Variants in CNN2 observed in about 807,000 individuals in gnomAD.
The protein encoded by CNN2 is calponin 2, also known as calponin-2.
A neutral mutation model predicts 31.0 loss-of-function variants in CNN2; 21 were observed. The ratio of observed to expected loss-of-function variants is 0.68; its 90% CI spans 0.48 to 0.98. The LOEUF (loss-of-function observed/expected upper bound fraction) is 0.98, where lower values mean the gene tolerates loss of function less well. CNN2 is among the 50% of genes least tolerant of loss of function. CNN2 has a pLI of 0.00. For synonymous variants in CNN2, 165 were observed against 179.6 expected, an observed-to-expected ratio of 0.92 and a Z score of 0.65; for missense variants, 399 against 427.3, an observed-to-expected ratio of 0.93 and a Z score of 0.58.
chr19:1,031,250 C>T, intron 2 of CNN2, 58 bp downstream of exon 2: 1 of 1,362,294 alleles, frequency 7.3e-7, no homozygotes, highest in South Asian at 1.4e-5. Context: ...GTTTTTCTCA[C>T]TTTTTTTCTT....
intron 1 of CNN2, 54 bp downstream of exon 1, chr19:1,026,778 A>G: frequency 2.6e-6 from 4 of 1,521,444 alleles, no homozygotes; most frequent in Non-Finnish European, 1.8e-6. Context: ...GCACGCTCCG[A>G]CCGGTGCAGG....
chr19:1,032,252 G>GT, intron 2 of CNN2, 140 bp from the exon 3 acceptor site: 1 of 645,770 alleles, frequency 1.5e-6, no homozygotes, highest in Non-Finnish European at 2.4e-6. Context: ...AAAAAAAAAA[G>GT]AGTGGAAACT....
chr19:1,030,294 C>T (rs577351989), intron 1 of CNN2, among the ~76,000 whole-genome samples: 3 of 152,242 alleles, frequency 2.0e-5, no homozygotes, highest in East Asian at 1.9e-4. Flanking sequence ...TGACTAGAGG[C>T]GGTCAGCCTC....
chr19:1,032,861 C>G, intron 4 of CNN2, 165 bp downstream of exon 4: 1 of 594,926 alleles, frequency 1.7e-6, no homozygotes, highest in East Asian at 2.9e-5. Flanking sequence ...TCACTGCAAC[C>G]TCCAACTCCC....
At chr19:1,028,294 G>T (rs929649706) in intron 1 of CNN2, among the ~76,000 whole-genome samples, 1 of 152,096 alleles carries the variant, frequency 6.6e-6, no homozygotes, top group African/African-American at 2.4e-5. Context: ...CTGCCCTGGC[G>T]GGGGTGAGGA....
At position 1,036,231 on chromosome 19, in the gene CNN2, C is replaced by T. The variant is rs908794698; in HGVS notation, c.492C>T (p.Cys164=). The change falls in exon 5 of 7, where the codon TGC becomes TGT. Residue 164 remains cysteine, a synonymous_variant. Coordinates refer to ENST00000263097, the MANE Select transcript of CNN2 (RefSeq NM_004368.4). The part of the protein sequence containing the change: ...FDDATMKAGQ[C]VIGLQMGTNK... Reference sequence around the variant, plus strand: ...ATGCCACCATGAAGGCTGGCCAGTGCGTCATCGGGCTGCAGGTGGGCGACA... The same window carrying T: ...ATGCCACCATGAAGGCTGGCCAGTGTGTCATCGGGCTGCAGGTGGGCGACA... 9 of 1,594,080 alleles carry T rather than the reference C, an allele frequency of 5.6e-6. No homozygotes were observed. The highest frequency in any genetic ancestry group is 3.4e-5 in the Admixed American group (2 of 58,120).
In CNN2 at chr19:1,032,121, G is replaced by A. The variant is rs143654300; in HGVS notation, c.186-271G>A. Among the ~76,000 whole-genome samples the A allele has an allele frequency of 5.2e-4, 79 of 151,932 alleles. 2 individuals carry two copies. In the East Asian group the frequency reaches 0.011, roughly 21 times the overall value. The stretch of plus-strand genomic sequence containing the variant: ...CAGGCACCTGTAATCCCAGCTACTC[G>A]GGAGGCTCAGGGCTGAGGCAGGAGA... On this transcript the variant is annotated intron_variant, in intron 2 of 6. Coordinates refer to ENST00000263097, the MANE Select transcript of CNN2 (RefSeq NM_004368.4).
intron 4 of CNN2, among the ~76,000 whole-genome samples, chr19:1,035,806 T>C (rs111713536): frequency 7.5e-4 from 114 of 152,190 alleles, no homozygotes; most frequent in African/African-American, 2.0e-3. Flanking sequence ...CCTGTAATCC[T>C]AGCTACTTGG....
Position 1,031,189 on chromosome 19 carries a change from G to A in CNN2, c.182G>A (p.Cys61Tyr). 6.2e-7 allele frequency: 1 copy of A among 1,609,538 alleles called. No individual in the cohort carries two copies. The highest frequency in any genetic ancestry group is 8.5e-7 in the Non-Finnish European group (1 of 1,177,056). ...GGCCTGAAGGATGGAACTATCTTAT[G>A]CACGTGAGTACACGCAGGGACACAG... ...QKGLKDGTIL[C>Y]TLMNKLQPGS... Residue 61 changes from cysteine to tyrosine, a missense_variant, in exon 2 of 7, where the codon TGC (cysteine) becomes TAC (tyrosine). Coordinates refer to ENST00000263097, the MANE Select transcript of CNN2 (RefSeq NM_004368.4).
intron 2 of CNN2, 90 bp from the exon 3 acceptor site, chr19:1,032,294 GGAAGGCGT>G (rs2039510547): frequency 6.8e-7 from 1 of 1,460,332 alleles, no homozygotes; most frequent in African/African-American, 1.4e-5. Context: ...AGTTTGCCCA[GGAAGGCGT>G]GAGCTTGGCT....
intron 1 of CNN2, 117 bp from the exon 2 acceptor site, chr19:1,030,954 G>A (rs181481894): frequency 3.6e-5 from 47 of 1,306,286 alleles, no homozygotes; most frequent in Non-Finnish European, 4.6e-5. Context: ...GGACCTCCAG[G>A]CCGCTCTATC....
At chr19:1,037,504 TC>T in intron 6 of CNN2, 120 bp from the exon 7 acceptor site, 2 of 1,255,606 alleles carry the variant, frequency 1.6e-6, no homozygotes, top group Non-Finnish European at 2.3e-6. Context: ...ACTCCTGACC[TC>T]AGGTGATCCT....
At chr19:1,036,643 C>G in intron 6 of CNN2, 81 bp downstream of exon 6, 2 of 1,547,678 alleles carry the variant, frequency 1.3e-6, no homozygotes, top group Non-Finnish European at 1.8e-6. Flanking sequence ...GGGGCCACCT[C>G]CAGCTTCTCT....
rs745525324 is a variant in CNN2, at chr19:1,032,544, C to T, written c.253-15C>T. 2.5e-6 allele frequency: 4 copies of T among 1,613,404 alleles called. No homozygotes were observed. The South Asian group carries it at 4.4e-5, about 18-fold the overall frequency. The stretch of plus-strand genomic sequence containing the variant: ...ACTGAGGCCCACTCACTGTCCCTCT[C>T]CTGCCTCTTCCCAGCTAGAAAACCT... On this transcript the variant is annotated splice_polypyrimidine_tract_variant and intron_variant, in intron 3 of 6. Transcript: ENST00000263097.
At chr19:1,035,253 T>C (rs7252752) in intron 4 of CNN2, among the ~76,000 whole-genome samples, 39,920 of 116,480 alleles carry the variant, frequency 0.34, 9,243 homozygotes, top group African/African-American at 0.66. Context: ...TGGTGTAGAA[T>C]GGAATGGGAG....
intron 2 of CNN2, 85 bp from the exon 3 acceptor site, chr19:1,032,307 T>C: frequency 1.3e-6 from 2 of 1,542,262 alleles, no homozygotes; most frequent in East Asian, 4.5e-5. Flanking sequence ...AGGCGTGAGC[T>C]TGGCTGAGAT....
At position 1,031,202 on chromosome 19, in the gene CNN2, C is replaced by T. The variant is rs763387506; in HGVS notation, c.185+10C>T. 53 of 1,596,084 alleles carry T rather than the reference C, an allele frequency of 3.3e-5. No homozygotes were observed. The highest frequency in any genetic ancestry group is 4.3e-5 in the Non-Finnish European group (50 of 1,167,680). On this transcript the variant is annotated intron_variant, in intron 2 of 6. Coordinates refer to ENST00000263097, the MANE Select transcript of CNN2 (RefSeq NM_004368.4). Reference sequence around the variant, plus strand: ...GAACTATCTTATGCACGTGAGTACACGCAGGGACACAGGCTGTCTCACACT... The same window carrying T: ...GAACTATCTTATGCACGTGAGTACATGCAGGGACACAGGCTGTCTCACACT...
intron 1 of CNN2, among the ~76,000 whole-genome samples, chr19:1,029,953 C>T (rs2039460354): frequency 6.6e-6 from 1 of 152,144 alleles, no homozygotes; most frequent in African/African-American, 2.4e-5. Context: ...CCCGCCTTGG[C>T]CTCCCAAAGT....
intron 4 of CNN2, among the ~76,000 whole-genome samples, chr19:1,035,072 T>G (rs6510992): frequency 0.62 from 3,837 of 6,152 alleles, 1,563 homozygotes; most frequent in East Asian, 0.93. Flanking sequence ...GTCTGGTGTA[T>G]ACCGGGAGCG....
Sources: gnomAD v4.1 joint callset for allele counts (sites outside exome capture counted in the v4.1 genomes callset) on GRCh38, gnomAD v4.1.1 for gene constraint, MANE v1.5 for transcripts, NCBI Gene and HGNC (gene_info 2026-07-23, HGNC 2026-07-21) for gene names.